RBFOX1: variants seen among roughly 807,000 people sequenced by gnomAD.
RBFOX1 encodes RNA binding fox-1 homolog 1.
In RBFOX1, 8 loss-of-function variants were observed where a neutral mutation model predicts 57.7. That is an observed-to-expected ratio of 0.14 (90% confidence interval 0.08 to 0.25). RBFOX1 has a LOEUF of 0.25. Ranked by LOEUF, RBFOX1 falls within the 10% of genes least tolerant of loss-of-function variation. The probability of loss-of-function intolerance (pLI) is 1.00; values close to 1 mark genes in which losing one functional copy is unlikely to be tolerated. For missense variants in RBFOX1, 611 were observed against 548.5 expected (o/e 1.11, Z -1.14); for synonymous variants, 326 against 222.4 (o/e 1.47, Z -4.15).
intron 1 of RBFOX1, among the ~76,000 whole-genome samples, chr16:6,177,941 C>A (rs1046972637): frequency 2.3e-5 from 3 of 130,618 alleles, no homozygotes; most frequent in African/African-American, 8.5e-5. Context: ...AAAAAAAGAG[C>A]CTTTTCACAT....
At chr16:5,439,513 G>A (rs564845763) in intron 1 of RBFOX1, among the ~76,000 whole-genome samples, 8 of 152,240 alleles carry the variant, frequency 5.3e-5, no homozygotes, top group African/African-American at 1.9e-4. Context: ...ACGAACAAAT[G>A]CATGATAGGT....
rs553259981 is a variant in RBFOX1, at chr16:7,703,006, C to T, written c.996-6050C>T. Among the ~76,000 whole-genome samples, 24 of 152,308 alleles carry T rather than the reference C, an allele frequency of 1.6e-4. No homozygotes were observed. The South Asian group carries it at 4.6e-3, about 29-fold the overall frequency. The stretch of plus-strand genomic sequence containing the variant: ...AGAGCACCCCAACCAGGGGGGTAGA[C>T]AGCAGAACTGCTAAATCTCATTTGA... On this transcript the variant is annotated intron_variant, in intron 14 of 15. Transcript: ENST00000550418.
chr16:5,535,884 A>T (rs1452497599), intron 2 of RBFOX1, among the ~76,000 whole-genome samples: 1 of 152,188 alleles, frequency 6.6e-6, no homozygotes, highest in African/African-American at 2.4e-5. Context: ...ATGGCTGAAG[A>T]GGGGCGTACT....
chr16:5,744,870 G>T (rs983059313), intron 3 of RBFOX1, among the ~76,000 whole-genome samples: 3 of 152,102 alleles, frequency 2.0e-5, no homozygotes, highest in African/African-American at 7.2e-5. Flanking sequence ...CAATTCTCCT[G>T]CCTCACCGCT....
intron 4 of RBFOX1, among the ~76,000 whole-genome samples, chr16:5,904,708 T>A (rs1374862468): frequency 6.6e-6 from 1 of 152,044 alleles, no homozygotes; most frequent in Non-Finnish European, 1.5e-5. Context: ...CCGGGCACAG[T>A]GTCTCGCGCC....
intron 3 of RBFOX1, among the ~76,000 whole-genome samples, chr16:6,827,004 T>G (rs896091430): frequency 6.6e-6 from 1 of 152,168 alleles, no homozygotes; most frequent in Non-Finnish European, 1.5e-5. Flanking sequence ...TAGGCCATGC[T>G]GTAAACTAAC....
chr16:5,821,091 A>G (rs911292845), intron 3 of RBFOX1, among the ~76,000 whole-genome samples: 2 of 151,938 alleles, frequency 1.3e-5, no homozygotes, highest in African/African-American at 2.4e-5. Context: ...GGGTCTCTGC[A>G]GCACACCCCC....
chr16:5,525,795 G>C (rs1293905941), intron 2 of RBFOX1, among the ~76,000 whole-genome samples: 1 of 152,060 alleles, frequency 6.6e-6, no homozygotes, highest in African/African-American at 2.4e-5. Flanking sequence ...ACTGTGTCCA[G>C]CCTAGAGCCC....
At chr16:6,450,801 GTATA>G (rs1186562440) in intron 2 of RBFOX1, among the ~76,000 whole-genome samples, 208 of 16,320 alleles carry the variant, frequency 0.013, 4 homozygotes, top group Admixed American at 0.017. Flanking sequence ...ATATATATAT[GTATA>G]TATATATATA....
intron 3 of RBFOX1, among the ~76,000 whole-genome samples, chr16:6,686,170 A>C (rs117509484): frequency 2.2e-4 from 33 of 152,272 alleles, no homozygotes; most frequent in Middle Eastern, 3.4e-3. Flanking sequence ...TGAAGGAACA[A>C]ATCCCTTCGA....
intron 4 of RBFOX1, among the ~76,000 whole-genome samples, chr16:7,332,545 C>T (rs1275302276): frequency 6.6e-6 from 1 of 152,096 alleles, no homozygotes; most frequent in Non-Finnish European, 1.5e-5. Flanking sequence ...TTACATTTCT[C>T]AGTTTATTTT....
chr16:6,960,942 A>T lies in RBFOX1; in HGVS notation c.-15-91115A>T, dbSNP rs890488816. On this transcript the variant is annotated intron_variant, in intron 3 of 15. Transcript: ENST00000550418. ...TGAGGTCAGGAGACCAGCCTGGCCAACGTGATGAAACTCCATCTCTACTGA... is the reference window on the plus strand; with the variant it reads ...TGAGGTCAGGAGACCAGCCTGGCCATCGTGATGAAACTCCATCTCTACTGA... Among the ~76,000 whole-genome samples, 7 of 147,990 alleles carry T rather than the reference A, an allele frequency of 4.7e-5. No individual in the cohort carries two copies. In the South Asian group the frequency reaches 1.3e-3, roughly 27 times the overall value.
intron 4 of RBFOX1, among the ~76,000 whole-genome samples, chr16:7,290,834 C>T (rs1192377972): frequency 1.3e-5 from 2 of 152,160 alleles, no homozygotes; most frequent in Non-Finnish European, 2.9e-5. Context: ...CTTATCTAAG[C>T]CTTCTGAGTC....
At chr16:6,131,486 C>G (rs1236536358) in intron 1 of RBFOX1, among the ~76,000 whole-genome samples, 3 of 152,144 alleles carry the variant, frequency 2.0e-5, no homozygotes, top group African/African-American at 7.2e-5. Context: ...TATTTAAATG[C>G]AGCTTCTGAA....
chr16:7,197,006 A>T (rs1000429184), intron 4 of RBFOX1, among the ~76,000 whole-genome samples: 6 of 152,186 alleles, frequency 3.9e-5, no homozygotes, highest in African/African-American at 1.4e-4. Flanking sequence ...GGAGAGTTTA[A>T]AAGACTCCAT....
At chr16:6,119,214 A>G (rs182319881) in intron 1 of RBFOX1, among the ~76,000 whole-genome samples, 134 of 152,070 alleles carry the variant, frequency 8.8e-4, no homozygotes, top group African/African-American at 3.2e-3. Flanking sequence ...GCTGTTTATA[A>G]TAATTATTGT....
chr16:5,296,247 A>G (rs1283173248), intron 1 of RBFOX1, among the ~76,000 whole-genome samples: 1 of 152,242 alleles, frequency 6.6e-6, no homozygotes, highest in African/African-American at 2.4e-5. Flanking sequence ...CAGCATCTGC[A>G]TCTGTGTAGA....
At chr16:6,192,927 T>A (rs1215200786) in intron 1 of RBFOX1, among the ~76,000 whole-genome samples, 1 of 152,194 alleles carries the variant, frequency 6.6e-6, no homozygotes, top group Non-Finnish European at 1.5e-5. Context: ...GAGTGATATA[T>A]TATGTCGAAA....
In RBFOX1 at chr16:5,296,572, A is replaced by ATTT. The variant is rs200092819; in HGVS notation, c.219+56474_219+56476dup. 2.0e-5 allele frequency among the ~76,000 whole-genome samples: 3 copies of ATTT among 151,380 alleles called. No individual in the cohort carries two copies. In the South Asian group the frequency reaches 6.3e-4, roughly 32 times the overall value. On this transcript the variant is annotated intron_variant, in intron 1 of 2. Coordinates refer to the RBFOX1 transcript ENST00000585867. ...TTATTTTTTAATTAAAAAAAAAAAA[A>ATTT]TTTTTTTTTAACAATAGAGCTCTTG...
Sources: gnomAD v4.1 joint callset for allele counts (sites outside exome capture counted in the v4.1 genomes callset) on GRCh38, gnomAD v4.1.1 for gene constraint, MANE v1.5 for transcripts, NCBI Gene and HGNC (gene_info 2026-07-23, HGNC 2026-07-21) for gene names.